The following ZNF644 variants were observed in gnomAD, a reference collection of about 807,000 sequenced individuals.
ZNF644 encodes zinc finger motif enhancer binding protein 2.
ZNF644 carries 20 observed loss-of-function variants against 108.0 expected under a neutral mutation model. That is an observed-to-expected ratio of 0.19 (90% CI 0.13 to 0.27). The LOEUF (loss-of-function observed/expected upper bound fraction) is 0.27. Ranked by LOEUF, ZNF644 falls within the 10% of genes least tolerant of loss-of-function variation. The probability of loss-of-function intolerance (pLI) is 1.00; values close to 1 mark genes in which losing one functional copy is unlikely to be tolerated. For missense variants in ZNF644, 1,338 were observed against 1,548.9 expected (o/e 0.86, Z 2.29); for synonymous variants, 542 against 539.1 (o/e 1.01, Z -0.08).
chr1:90,935,400 A>T, intron 4 of ZNF644: 1 of 985,902 alleles, frequency 1.0e-6, no homozygotes, highest in Non-Finnish European at 1.2e-6. Flanking sequence ...ATATCTGTTC[A>T]AACATACCTG....
At position 90,997,309 on chromosome 1, in the gene ZNF644, A is replaced by G. The variant is rs482052; in HGVS notation, c.-17-14939T>C. Among the ~76,000 whole-genome samples, 231 of 152,308 alleles carry G rather than the reference A, an allele frequency of 1.5e-3. 4 individuals are homozygous for G. The highest frequency in any genetic ancestry group is 0.01 in the Middle Eastern group (3 of 294). On this transcript the variant is annotated intron_variant, in intron 1 of 5. Transcript: ENST00000337393. ...AGCATCCCAACACACACATAACTTC[A>G]ACAAAAAGATTTATTGCTCCCAGGC...
chr1:90,942,833 C>T (rs1317505593), intron 2 of ZNF644, among the ~76,000 whole-genome samples: 1 of 152,148 alleles, frequency 6.6e-6, no homozygotes, highest in Non-Finnish European at 1.5e-5. Context: ...TTCCATATTT[C>T]TTCTCCTTTT....
rs1314260994 is a variant in ZNF644, at chr1:90,940,076, G to A, written c.1278C>T (p.His426=). 4 of 1,614,110 alleles carry A rather than the reference G, an allele frequency of 2.5e-6. No homozygotes were observed. The highest frequency in any genetic ancestry group is 1.7e-5 in the Admixed American group (1 of 60,010). Residue 426 remains histidine, a synonymous_variant, in exon 3 of 6, where the codon CAC becomes CAT. Coordinates refer to ENST00000337393, the MANE Select transcript of ZNF644 (RefSeq NM_201269.3). ...NVNFREKKHL[H]RHMMYHLDGN... is the part of the protein sequence containing the mutation. ...CATCTAAATGATACATCATATGCCT[G>A]TGGAGGTGCTTCTTCTCCCTAAAAT...
chr1:90,970,852 T>A (rs1312673492), intron 2 of ZNF644, among the ~76,000 whole-genome samples: 2 of 151,884 alleles, frequency 1.3e-5, no homozygotes, highest in Non-Finnish European at 2.9e-5. Flanking sequence ...ATACAAAAAT[T>A]AGCTGGGCGT....
At chr1:90,918,801 C>A (rs891749739) in intron 4 of ZNF644, among the ~76,000 whole-genome samples, 9 of 151,966 alleles carry the variant, frequency 5.9e-5, no homozygotes, top group Non-Finnish European at 1.3e-4. Context: ...ATTTGTATTG[C>A]ATATACAATA....
At position 90,916,183 on chromosome 1, in the gene ZNF644, T is replaced by C. The variant is rs1233635793; in HGVS notation, c.*615A>G. Reference sequence around the variant, plus strand: ...ACTATGTACATATTTCTTTTAGAAATACTTGTTTAAACAAATCTCCCTCCA... The same window carrying C: ...ACTATGTACATATTTCTTTTAGAAACACTTGTTTAAACAAATCTCCCTCCA... On this transcript the variant is annotated 3_prime_UTR_variant, in exon 6 of 6. Transcript: ENST00000337393. 6.6e-6 allele frequency: 1 copy of C among 152,646 alleles called. No individual in the cohort carries two copies. The highest frequency in any genetic ancestry group is 2.4e-5 in the African/African-American group (1 of 41,428). 9.5% of individuals were successfully genotyped at this position (152,646 alleles called of 1,614,324 possible).
intron 1 of ZNF644, among the ~76,000 whole-genome samples, chr1:91,001,704 A>G (rs1371037316): frequency 1.3e-5 from 2 of 152,190 alleles, no homozygotes. Context: ...GGCAGGAGAA[A>G]GAAATAAGGG....
At chr1:91,006,784 ACTTTCTGGATCCCCCCT>A in intron 1 of ZNF644, among the ~76,000 whole-genome samples, 1 of 149,550 alleles carries the variant, frequency 6.7e-6, no homozygotes, top group Non-Finnish European at 1.5e-5. Flanking sequence ...AATGCATCCT[ACTTTCTGGATCCCCCCT>A]CTTTTTAGTT....
At chr1:90,933,031 A>G (rs1343952669) in intron 4 of ZNF644, among the ~76,000 whole-genome samples, 1 of 152,196 alleles carries the variant, frequency 6.6e-6, no homozygotes, top group Non-Finnish European at 1.5e-5. Flanking sequence ...ATTCCCAGTC[A>G]TCCTACATTA....
In ZNF644 at chr1:90,982,236, C is replaced by A. The variant is rs959724862; in HGVS notation, c.44+74G>T. On this transcript the variant is annotated intron_variant, in intron 2 of 5. Transcript: ENST00000337393. The stretch of plus-strand genomic sequence containing the variant: ...CTCTTTGGTTCTGAACTCAACACCA[C>A]ATTTTTAAGACATAATTTTTTTGTA... 7.8e-6 allele frequency: 10 copies of A among 1,287,752 alleles called. No individual in the cohort carries two copies. In the African/African-American group the frequency reaches 1.5e-4, roughly 19 times the overall value. 79.8% of individuals were successfully genotyped at this position (1,287,752 alleles called of 1,614,324 possible). A position where few individuals can be genotyped will look rare whatever the true frequency, so the allele number is the denominator to read the frequency against.
At chr1:90,921,772 G>A (rs1649467956) in intron 4 of ZNF644, among the ~76,000 whole-genome samples, 1 of 151,268 alleles carries the variant, frequency 6.6e-6, no homozygotes, top group African/African-American at 2.4e-5. Flanking sequence ...CTTTCAGTAA[G>A]ATATTTGTCT....
intron 1 of ZNF644, among the ~76,000 whole-genome samples, chr1:91,011,847 C>T (rs1437969391): frequency 6.6e-6 from 1 of 152,132 alleles, no homozygotes; most frequent in African/African-American, 2.4e-5. Context: ...TGCCTAATAG[C>T]TAACTGACAT....
chr1:90,943,860 C>T (rs1381323056), intron 2 of ZNF644, among the ~76,000 whole-genome samples: 1 of 152,204 alleles, frequency 6.6e-6, no homozygotes, highest in Non-Finnish European at 1.5e-5. Flanking sequence ...ACCATTCATT[C>T]CTGATATTTC....
intron 2 of ZNF644, among the ~76,000 whole-genome samples, chr1:90,946,922 T>A (rs1652575099): frequency 6.6e-6 from 1 of 152,096 alleles, no homozygotes; most frequent in Non-Finnish European, 1.5e-5. Flanking sequence ...AAACACCTAA[T>A]AACTCAAGAT....
At chr1:91,009,722 T>C (rs1290848722) in intron 1 of ZNF644, among the ~76,000 whole-genome samples, 5 of 152,284 alleles carry the variant, frequency 3.3e-5, no homozygotes, top group Non-Finnish European at 5.9e-5. Context: ...GAAAACACCA[T>C]TATAGCATAA....
At chr1:90,925,204 T>C (rs1649892914) in intron 4 of ZNF644, among the ~76,000 whole-genome samples, 1 of 152,194 alleles carries the variant, frequency 6.6e-6, no homozygotes, top group South Asian at 2.1e-4. Context: ...TGCCCCCCAC[T>C]GGGGGGAGGG....
intron 1 of ZNF644, among the ~76,000 whole-genome samples, chr1:90,983,753 C>G (rs150508366): frequency 0.013 from 1,925 of 152,224 alleles, 39 homozygotes; most frequent in African/African-American, 0.044. Flanking sequence ...ATGGTGAAAC[C>G]CCGTCTCTAC....
intron 2 of ZNF644, among the ~76,000 whole-genome samples, chr1:90,963,033 T>C (rs890387964): frequency 3.3e-5 from 5 of 152,142 alleles, no homozygotes. Context: ...GGAATGTATA[T>C]ATTTTTTAAA....
chr1:91,000,860 C>T (rs188779937), intron 1 of ZNF644, among the ~76,000 whole-genome samples: 3,229 of 152,228 alleles, frequency 0.021, 46 homozygotes, highest in Middle Eastern at 0.054. Flanking sequence ...GATATCACCA[C>T]CGATCCCACA....
Sources: gnomAD v4.1 joint callset for allele counts (sites outside exome capture counted in the v4.1 genomes callset) on GRCh38, gnomAD v4.1.1 for gene constraint, MANE v1.5 for transcripts, NCBI Gene and HGNC (gene_info 2026-07-23, HGNC 2026-07-21) for gene names.